CBFA2T2: variants seen among roughly 807,000 people sequenced by gnomAD.
CBFA2T2 encodes protein CBFA2T2.
A neutral mutation model predicts 62.2 loss-of-function variants in CBFA2T2; 11 were observed. The observed-to-expected ratio is 0.18, with a 90% confidence interval of 0.11 to 0.29. The LOEUF is 0.29. CBFA2T2 is among the 10% of genes least tolerant of loss of function. CBFA2T2 has a pLI of 1.00. For missense variants in CBFA2T2, 592 were observed against 774.1 expected, an observed-to-expected ratio of 0.76 and a Z score of 2.79; for synonymous variants, 295 against 287.5, an observed-to-expected ratio of 1.03 and a Z score of -0.27.
intron 1 of CBFA2T2, among the ~76,000 whole-genome samples, chr20:33,560,624 G>A (rs1279540572): frequency 6.6e-6 from 1 of 152,098 alleles, no homozygotes; most frequent in East Asian, 1.9e-4. Context: ...GACAGAAATA[G>A]CCTTCCTTCC....
intron 1 of CBFA2T2, among the ~76,000 whole-genome samples, chr20:33,525,548 C>A (rs2011864206): frequency 1.3e-5 from 2 of 151,996 alleles, no homozygotes; most frequent in South Asian, 4.2e-4. Context: ...GGTTTTATAA[C>A]CATCACTGCA....
intron 1 of CBFA2T2, among the ~76,000 whole-genome samples, chr20:33,585,365 ATG>A (rs2014316030): frequency 6.6e-6 from 1 of 152,306 alleles, no homozygotes; most frequent in East Asian, 1.9e-4. Flanking sequence ...TACCGTGAGC[ATG>A]TGTCTATTTT....
At chr20:33,534,355 T>C (rs532069501) in intron 1 of CBFA2T2, among the ~76,000 whole-genome samples, 1 of 152,198 alleles carries the variant, frequency 6.6e-6, no homozygotes, top group African/African-American at 2.4e-5. Context: ...AGTCTCACTC[T>C]GTTGCCCAGG....
At chr20:33,496,482 G>A (rs2146843514) in intron 1 of CBFA2T2, among the ~76,000 whole-genome samples, 1 of 152,262 alleles carries the variant, frequency 6.6e-6, no homozygotes, top group Non-Finnish European at 1.5e-5. Context: ...TTGCATTTTT[G>A]TAATTTTATT....
At chr20:33,521,292 A>C (rs2011724125) in intron 1 of CBFA2T2, among the ~76,000 whole-genome samples, 1 of 152,146 alleles carries the variant, frequency 6.6e-6, no homozygotes, top group East Asian at 1.9e-4. Context: ...TATCTTCTAT[A>C]AATGTTCTAA....
In CBFA2T2 at chr20:33,541,598, A is replaced by G. The variant is rs536004997; in HGVS notation, c.34+51297A>G. Reference sequence around the variant, plus strand: ...ACTTATGACCTACACATTTTAGCCTAGGCTGATGCCTTTCCACAGTTATGT... The same window carrying G: ...ACTTATGACCTACACATTTTAGCCTGGGCTGATGCCTTTCCACAGTTATGT... On this transcript the variant is annotated intron_variant, in intron 1 of 10. Coordinates refer to ENST00000342704, the MANE Select transcript of CBFA2T2 (RefSeq NM_001032999.3). Among the ~76,000 whole-genome samples the G allele has an allele frequency of 3.3e-5, 5 of 152,346 alleles. 1 individual carries two copies. The South Asian group carries it at 1.0e-3, about 32-fold the overall frequency.
chr20:33,615,897 G>A (rs1332260590), intron 3 of CBFA2T2, among the ~76,000 whole-genome samples: 6 of 152,182 alleles, frequency 3.9e-5, no homozygotes, highest in Non-Finnish European at 5.9e-5. Context: ...GAGTTTAAGA[G>A]TAAAAATATA....
At chr20:33,579,472 C>T (rs146139531) in intron 1 of CBFA2T2, among the ~76,000 whole-genome samples, 71 of 151,820 alleles carry the variant, frequency 4.7e-4, no homozygotes, top group African/African-American at 1.7e-3. Flanking sequence ...TTTTTGCTTA[C>T]CACCAGGTCA....
At chr20:33,516,588 A>G (rs1489988717) in intron 1 of CBFA2T2, among the ~76,000 whole-genome samples, 1 of 152,260 alleles carries the variant, frequency 6.6e-6, no homozygotes, top group Non-Finnish European at 1.5e-5. Context: ...CCTGACCAAC[A>G]TGGTGAAACC....
intron 1 of CBFA2T2, chr20:33,574,006 C>A: frequency 1.2e-6 from 1 of 866,444 alleles, no homozygotes; most frequent in Non-Finnish European, 1.6e-6. Flanking sequence ...CCAGGTGGGT[C>A]TCAAACTCCT....
chr20:33,585,351 T>C (rs2014314897), intron 1 of CBFA2T2, among the ~76,000 whole-genome samples: 1 of 152,236 alleles, frequency 6.6e-6, no homozygotes, highest in Non-Finnish European at 1.5e-5. Flanking sequence ...TCATGTTCTT[T>C]GAATACCGTG....
chr20:33,531,731 C>T (rs2012068508), intron 1 of CBFA2T2, among the ~76,000 whole-genome samples: 1 of 152,190 alleles, frequency 6.6e-6, no homozygotes, highest in African/African-American at 2.4e-5. Context: ...CTGAATCAGA[C>T]ATTGTGGAGC....
Position 33,536,520 on chromosome 20 carries a change from C to T in CBFA2T2, c.34+46219C>T, listed in dbSNP as rs570640737. 7.9e-4 allele frequency among the ~76,000 whole-genome samples: 118 copies of T among 149,622 alleles called. 1 individual carries two copies. Among genetic ancestry groups the T allele is most frequent in the African/African-American group, 2.9e-3 (114 of 39,912 alleles). On this transcript the variant is annotated intron_variant, in intron 1 of 10. Transcript: ENST00000342704. ...GGACGGGGTGGCTGCTGGGTGGAGA[C>T]ACTCCTCACTTCCCAGACGGGGTGG... is the stretch of plus-strand genomic sequence containing the variant.
At chr20:33,544,259 A>G (rs2012477089) in intron 1 of CBFA2T2, among the ~76,000 whole-genome samples, 8 of 152,132 alleles carry the variant, frequency 5.3e-5, no homozygotes, top group Admixed American at 5.2e-4. Flanking sequence ...AGCTTCAGCC[A>G]CACTAACTTC....
At chr20:33,554,294 C>T (rs1346138588) in intron 1 of CBFA2T2, among the ~76,000 whole-genome samples, 1 of 149,898 alleles carries the variant, frequency 6.7e-6, no homozygotes, top group Non-Finnish European at 1.5e-5. Flanking sequence ...GCTCTGTCAC[C>T]CAAGCTGGAG....
chr20:33,624,760 A>C lies in CBFA2T2; in HGVS notation c.693-4A>C. 1 of 1,613,868 alleles carries C rather than the reference A, an allele frequency of 6.2e-7. No homozygotes were observed. ...TCAGATACGCACTTCTGCTTCTTCT[A>C]CAGGAGAGAAGAGAATAGTTTTGAT... On this transcript the variant is annotated splice_region_variant and splice_polypyrimidine_tract_variant and intron_variant, in intron 5 of 10. Coordinates refer to ENST00000342704, the MANE Select transcript of CBFA2T2 (RefSeq NM_001032999.3).
At chr20:33,631,988 C>T (rs765625456) in intron 8 of CBFA2T2, among the ~76,000 whole-genome samples, 5 of 152,162 alleles carry the variant, frequency 3.3e-5, no homozygotes, top group Non-Finnish European at 7.3e-5. Flanking sequence ...AGCTTGGGCA[C>T]GGTTGGCTTC....
chr20:33,619,396 G>A, intron 3 of CBFA2T2, 121 bp from the exon 4 acceptor site: 1 of 535,988 alleles, frequency 1.9e-6, no homozygotes, highest in Non-Finnish European at 3.1e-6. Context: ...AACAGAGCAA[G>A]ACTCCATCTC....
Position 33,575,816 on chromosome 20 carries a change from C to T in CBFA2T2, c.35-31140C>T, listed in dbSNP as rs182610401. 1.4e-3 allele frequency among the ~76,000 whole-genome samples: 219 copies of T among 152,156 alleles called. 1 individual carries two copies. The highest frequency in any genetic ancestry group is 8.2e-3 in the Admixed American group (126 of 15,282). On this transcript the variant is annotated intron_variant, in intron 1 of 10. Coordinates refer to ENST00000342704, the MANE Select transcript of CBFA2T2 (RefSeq NM_001032999.3). Reference sequence around the variant, plus strand: ...TTTTTGAGACAGAGTCTCAGTCTGTCGCCCAGGCTGGAGTGCAGTGGCGCG... The same window carrying T: ...TTTTTGAGACAGAGTCTCAGTCTGTTGCCCAGGCTGGAGTGCAGTGGCGCG...
Sources: gnomAD v4.1 joint callset for allele counts (sites outside exome capture counted in the v4.1 genomes callset) on GRCh38, gnomAD v4.1.1 for gene constraint, MANE v1.5 for transcripts, NCBI Gene and HGNC (gene_info 2026-07-23, HGNC 2026-07-21) for gene names.